Variants in CCDC178 observed in about 807,000 individuals in gnomAD.
CCDC178 encodes coiled-coil domain containing 178.
A neutral mutation model predicts 117.4 loss-of-function variants in CCDC178; 126 were observed. The observed-to-expected ratio is 1.07, with a 90% CI of 0.93 to 1.24. CCDC178 has a LOEUF of 1.24. Ranked by LOEUF, CCDC178 falls within the 50% of genes most tolerant of loss-of-function variation. CCDC178 has a pLI of 0.00. For synonymous variants in CCDC178, 283 were observed against 313.4 expected (o/e 0.90, Z 1.02); for missense variants, 1,030 against 986.9 (o/e 1.04, Z -0.59).
In CCDC178 at chr18:33,293,226, T is replaced by C. The variant is rs752685771; in HGVS notation, c.1109A>G (p.Glu370Gly). ...TTCCCTTATTGCTTCAGTCACTTCCTCTTCCTTCTCCTCAATATTAGTATT... is the reference window on the plus strand; with the variant it reads ...TTCCCTTATTGCTTCAGTCACTTCCCCTTCCTTCTCCTCAATATTAGTATT... Reference protein sequence around the residue: ...NVNTNIEEKEEEVTEAIRETK... With the variant: ...NVNTNIEEKEGEVTEAIRETK... Residue 370 changes from glutamate to glycine, a missense_variant, in exon 12 of 23, where the codon GAG becomes GGG. By Grantham distance (98) the Glu-to-Gly change is moderately conservative. Transcript: ENST00000383096. 2.0e-5 allele frequency: 31 copies of C among 1,586,856 alleles called. No homozygotes were observed. In the East Asian group the frequency reaches 4.5e-4, roughly 23 times the overall value.
chr18:33,297,885 CA>C (rs1015211301), intron 11 of CCDC178, among the ~76,000 whole-genome samples: 3 of 151,838 alleles, frequency 2.0e-5, no homozygotes. Flanking sequence ...ACTAAAAATA[CA>C]AAAAAATTCG....
chr18:33,002,969 T>C (rs1053187897), intron 21 of CCDC178, among the ~76,000 whole-genome samples: 1 of 152,078 alleles, frequency 6.6e-6, no homozygotes, highest in Non-Finnish European at 1.5e-5. Context: ...CTATCAAGAT[T>C]GAACCACGAA....
In CCDC178 at chr18:33,251,745, C is replaced by A. The variant is rs2059620644; in HGVS notation, c.1410-6317G>T. 2.6e-5 allele frequency among the ~76,000 whole-genome samples: 4 copies of A among 151,730 alleles called. No homozygotes were observed. The South Asian group carries it at 8.3e-4, about 31-fold the overall frequency. ...CATTTTGTATTCATAATATTGTTTT[C>A]TTTTATCTACTGCCCCCATATACTA... On this transcript the variant is annotated intron_variant, in intron 14 of 22. Coordinates refer to ENST00000383096, the MANE Select transcript of CCDC178 (RefSeq NM_001105528.4).
At chr18:33,146,087 T>C (rs940010099) in intron 20 of CCDC178, among the ~76,000 whole-genome samples, 3 of 152,208 alleles carry the variant, frequency 2.0e-5, no homozygotes, top group African/African-American at 4.8e-5. Context: ...TGATAACTTA[T>C]ACTAAAGATC....
chr18:33,091,869 A>C (rs1214688092), intron 21 of CCDC178, among the ~76,000 whole-genome samples: 1 of 152,186 alleles, frequency 6.6e-6, no homozygotes, highest in African/African-American at 2.4e-5. Flanking sequence ...TTTATAGATG[A>C]GAAAACTGAG....
rs974345209 is a variant in CCDC178 at position 33,316,920 on chromosome 18, A to C, written c.1022+6571T>G. On this transcript the variant is annotated intron_variant, in intron 11 of 22. Transcript: ENST00000383096. ...TCTAGCTAATCTAGTGGGGACATGG[A>C]GAACTTTTGTGTCTAGCTCAGGGAT... Among the ~76,000 whole-genome samples, 3 of 152,164 alleles carry C rather than the reference A, an allele frequency of 2.0e-5. No individual in the cohort carries two copies. In the East Asian group the frequency reaches 5.8e-4, roughly 29 times the overall value.
At chr18:33,344,828 CACACACACACACACACACACACACACAT>C (rs1378799631) in intron 9 of CCDC178, among the ~76,000 whole-genome samples, 4 of 149,692 alleles carry the variant, frequency 2.7e-5, no homozygotes, top group Non-Finnish European at 5.9e-5. Flanking sequence ...CACACACACA[CACACACACACACACACACACACACACAT>C]ATATTTATAA....
chr18:33,191,607 C>T (rs759848877), intron 20 of CCDC178, among the ~76,000 whole-genome samples: 2 of 152,130 alleles, frequency 1.3e-5, no homozygotes, highest in Admixed American at 6.5e-5. Context: ...TTTCACTTGG[C>T]GATTGGAGTT....
At chr18:33,309,279 T>C (rs2062302711) in intron 11 of CCDC178, among the ~76,000 whole-genome samples, 2 of 152,032 alleles carry the variant, frequency 1.3e-5, no homozygotes, top group Admixed American at 6.6e-5. Flanking sequence ...TTAACCCATG[T>C]GTTTAAGGTT....
At chr18:33,320,233 T>C (rs2062486676) in intron 11 of CCDC178, among the ~76,000 whole-genome samples, 1 of 152,174 alleles carries the variant, frequency 6.6e-6, no homozygotes, top group African/African-American at 2.4e-5. Flanking sequence ...GTGTTGGAAG[T>C]TCTGGCCAGG....
At chr18:33,045,851 GA>G (rs982250103) in intron 21 of CCDC178, among the ~76,000 whole-genome samples, 4 of 152,122 alleles carry the variant, frequency 2.6e-5, no homozygotes, top group Non-Finnish European at 5.9e-5. Flanking sequence ...CAGATCACTT[GA>G]GGTCAGGAGT....
intron 5 of CCDC178, among the ~76,000 whole-genome samples, chr18:33,378,353 T>G (rs2063391669): frequency 6.6e-6 from 1 of 152,180 alleles, no homozygotes. Flanking sequence ...TCTTTAGGGT[T>G]TTCTAGGTAT....
At chr18:33,356,447 T>G in intron 6 of CCDC178, 101 bp from the exon 7 acceptor site, 10 of 1,132,568 alleles carry the variant, frequency 8.8e-6, no homozygotes, top group Non-Finnish European at 1.2e-5. Flanking sequence ...TACATATCTC[T>G]ACTTCATTAT....
chr18:33,266,562 T>C (rs2059817593), intron 14 of CCDC178, among the ~76,000 whole-genome samples: 1 of 149,876 alleles, frequency 6.7e-6, no homozygotes, highest in South Asian at 2.1e-4. Flanking sequence ...ATTTTATTAT[T>C]ATTATACTTT....
intron 21 of CCDC178, among the ~76,000 whole-genome samples, chr18:33,076,530 A>G (rs1164574093): frequency 1.3e-5 from 2 of 152,100 alleles, no homozygotes; most frequent in African/African-American, 4.8e-5. Flanking sequence ...TGTTTTTCCA[A>G]ATGTGTTGCC....
chr18:33,234,511 A>T (rs922003060), intron 15 of CCDC178, among the ~76,000 whole-genome samples: 1 of 152,156 alleles, frequency 6.6e-6, no homozygotes, highest in Non-Finnish European at 1.5e-5. Flanking sequence ...AGCATAAATA[A>T]CTGAGCTTCT....
chr18:33,029,966 T>G (rs1290232872), intron 21 of CCDC178, among the ~76,000 whole-genome samples: 3 of 152,050 alleles, frequency 2.0e-5, no homozygotes, highest in Non-Finnish European at 4.4e-5. Context: ...GATGGAGTAT[T>G]CTATATATTG....
At chr18:33,299,773 GAA>G (rs71159813) in intron 11 of CCDC178, among the ~76,000 whole-genome samples, 26 of 141,432 alleles carry the variant, frequency 1.8e-4, no homozygotes, top group African/African-American at 6.0e-4. Flanking sequence ...CATCTCAACA[GAA>G]AAAAAAAAAA....
chr18:33,362,190 CAT>C (rs1491079046), intron 6 of CCDC178, among the ~76,000 whole-genome samples: 2 of 147,694 alleles, frequency 1.4e-5, no homozygotes, highest in South Asian at 2.1e-4. Context: ...TATATATATA[CAT>C]ATATATATAT....
Sources: allele counts gnomAD v4.1 joint callset (sites outside exome capture counted in the v4.1 genomes callset), GRCh38; gene constraint gnomAD v4.1.1; transcripts MANE v1.5; gene names NCBI Gene and HGNC (gene_info 2026-07-23, HGNC 2026-07-21).